Variants in CSMD3 observed in about 807,000 individuals in gnomAD.
CSMD3 encodes the protein CUB and sushi domain-containing protein 3.
CSMD3 carries 177 observed loss-of-function variants against 435.2 expected under a neutral mutation model. The observed-to-expected ratio is 0.41, with a 90% CI of 0.36 to 0.46. CSMD3 has a LOEUF of 0.46. Among genes scored for constraint, CSMD3 ranks in the 20% least tolerant of loss-of-function variants. The probability of loss-of-function intolerance (pLI) is 0.34; values close to 1 mark genes in which losing one functional copy is unlikely to be tolerated. For missense variants in CSMD3, 4,265 were observed against 4,504.6 expected (o/e 0.95, Z 1.52); for synonymous variants, 1,656 against 1,520.5 (o/e 1.09, Z -2.07).
At chr8:112,652,001 T>A (rs2075138696) in intron 18 of CSMD3, among the ~76,000 whole-genome samples, 1 of 152,140 alleles carries the variant, frequency 6.6e-6, no homozygotes, top group Non-Finnish European at 1.5e-5. Flanking sequence ...AACAATAACA[T>A]TTAGCATGTT....
At chr8:113,048,185 T>C (rs965551374) in intron 5 of CSMD3, among the ~76,000 whole-genome samples, 10 of 148,980 alleles carry the variant, frequency 6.7e-5, no homozygotes, top group African/African-American at 2.2e-4. Context: ...CTCCGCCTCC[T>C]AGGTTCACGC....
intron 3 of CSMD3, among the ~76,000 whole-genome samples, chr8:113,233,436 T>TA (rs2093112019): frequency 6.6e-6 from 1 of 150,898 alleles, no homozygotes; most frequent in Non-Finnish European, 1.5e-5. Flanking sequence ...TAAAAAATAA[T>TA]AAAACCTTGC....
chr8:113,282,852 C>T (rs2093622169), intron 2 of CSMD3, among the ~76,000 whole-genome samples: 1 of 152,038 alleles, frequency 6.6e-6, no homozygotes, highest in Non-Finnish European at 1.5e-5. Context: ...AGGCCGTAGT[C>T]ACCAAAAGAG....
chr8:112,464,156 T>C (rs1416410543), intron 32 of CSMD3, among the ~76,000 whole-genome samples: 1 of 148,646 alleles, frequency 6.7e-6, no homozygotes, highest in African/African-American at 2.5e-5. Flanking sequence ...AAGAATGGAG[T>C]GAACCCAGGA....
At chr8:112,627,088 G>C (rs929214384) in intron 22 of CSMD3, among the ~76,000 whole-genome samples, 4 of 152,040 alleles carry the variant, frequency 2.6e-5, no homozygotes, top group African/African-American at 7.2e-5. Flanking sequence ...CTAGGGACAA[G>C]TAACCTAATT....
chr8:112,279,832 T>C (rs1266342411), intron 59 of CSMD3, among the ~76,000 whole-genome samples: 5 of 152,188 alleles, frequency 3.3e-5, no homozygotes. Flanking sequence ...TTAGTGAATA[T>C]GTTCTATTCA....
intron 13 of CSMD3, among the ~76,000 whole-genome samples, chr8:112,764,897 G>T (rs2077936071): frequency 1.3e-5 from 2 of 151,550 alleles, no homozygotes; most frequent in Admixed American, 1.3e-4. Flanking sequence ...GGGGATATCA[G>T]AAGAAGATTA....
intron 45 of CSMD3, among the ~76,000 whole-genome samples, chr8:112,329,539 C>G (rs952264345): frequency 1.3e-5 from 2 of 152,066 alleles, no homozygotes; most frequent in South Asian, 2.1e-4. Flanking sequence ...AAAACCATCT[C>G]ATACAGTCAA....
intron 24 of CSMD3, among the ~76,000 whole-genome samples, chr8:112,560,703 T>A (rs1379894514): frequency 6.6e-6 from 1 of 151,612 alleles, no homozygotes; most frequent in Non-Finnish European, 1.5e-5. Flanking sequence ...AACAGGTCAG[T>A]CTCTCAAACA....
intron 9 of CSMD3, among the ~76,000 whole-genome samples, chr8:112,928,751 T>G (rs2082996916): frequency 6.7e-6 from 1 of 150,226 alleles, no homozygotes; most frequent in Non-Finnish European, 1.5e-5. Flanking sequence ...TAAACATACA[T>G]GTGCATGTGT....
chr8:112,318,991 G>A (rs2130861901), intron 46 of CSMD3, 41 bp from the exon 47 acceptor site: 2 of 1,106,102 alleles, frequency 1.8e-6, no homozygotes, highest in Non-Finnish European at 2.8e-6. Flanking sequence ...AAGCAACAAG[G>A]TGATGATAAA....
chr8:112,378,577 G>A (rs1829173750), intron 38 of CSMD3, among the ~76,000 whole-genome samples: 1 of 152,142 alleles, frequency 6.6e-6, no homozygotes, highest in Admixed American at 6.6e-5. Flanking sequence ...AAGGGATATT[G>A]CATATTCTCA....
At chr8:112,243,840 A>T (rs979165938) in intron 65 of CSMD3, among the ~76,000 whole-genome samples, 1 of 152,114 alleles carries the variant, frequency 6.6e-6, no homozygotes, top group Admixed American at 6.6e-5. Context: ...AAATACAAGG[A>T]CTGGTATCCT....
chr8:112,247,639 G>T (rs1814867473), intron 63 of CSMD3, among the ~76,000 whole-genome samples: 1 of 152,058 alleles, frequency 6.6e-6, no homozygotes, highest in African/African-American at 2.4e-5. Context: ...AAGATATACT[G>T]TTTGTACTAG....
At chr8:112,950,210 T>C (rs1314756846) in intron 8 of CSMD3, among the ~76,000 whole-genome samples, 1 of 152,018 alleles carries the variant, frequency 6.6e-6, no homozygotes, top group Non-Finnish European at 1.5e-5. Flanking sequence ...AGTTGTTTGA[T>C]TGACAATACC....
At chr8:113,164,182 T>G (rs912440696) in intron 4 of CSMD3, among the ~76,000 whole-genome samples, 3 of 152,058 alleles carry the variant, frequency 2.0e-5, no homozygotes, top group African/African-American at 7.2e-5. Flanking sequence ...TGCTCTTGGT[T>G]TCATCTTACT....
chr8:113,279,174 C>T (rs1460415313), intron 2 of CSMD3, among the ~76,000 whole-genome samples: 2 of 149,722 alleles, frequency 1.3e-5, no homozygotes, highest in Non-Finnish European at 3.0e-5. Context: ...CTATGAAGAG[C>T]GATAACATAG....
intron 22 of CSMD3, among the ~76,000 whole-genome samples, chr8:112,621,314 C>G (rs774699999): frequency 2.0e-5 from 3 of 151,950 alleles, no homozygotes; most frequent in Non-Finnish European, 4.4e-5. Flanking sequence ...CCAGATAGTA[C>G]GTATACAGAC....
intron 3 of CSMD3, among the ~76,000 whole-genome samples, chr8:113,196,828 C>T (rs1252616754): frequency 1.3e-5 from 2 of 151,222 alleles, no homozygotes; most frequent in African/African-American, 2.4e-5. Flanking sequence ...TTTAAATTCA[C>T]TTTTCTCATA....
Sources: allele counts gnomAD v4.1 joint callset (sites outside exome capture counted in the v4.1 genomes callset), GRCh38; gene constraint gnomAD v4.1.1; transcripts MANE v1.5; gene names NCBI Gene and HGNC (gene_info 2026-07-23, HGNC 2026-07-21).